The following MFSD2A variants were observed in gnomAD, a reference collection of about 807,000 sequenced individuals.
MFSD2A encodes the protein MFSD2 lysolipid transporter A, lysophospholipid, also known as sodium-dependent lysophosphatidylcholine symporter 1.
A neutral mutation model predicts 64.7 loss-of-function variants in MFSD2A; 27 were observed. The observed-to-expected ratio is 0.42, with a 90% confidence interval of 0.31 to 0.58. The LOEUF (loss-of-function observed/expected upper bound fraction) is 0.58. MFSD2A is among the 20% of genes least tolerant of loss of function. The pLI, the probability that MFSD2A is intolerant of heterozygous loss-of-function variation, is 0.18. For missense variants in MFSD2A, 474 were observed against 679.5 expected (o/e 0.70, Z 3.36); for synonymous variants, 258 against 273.4 (o/e 0.94, Z 0.55).
In MFSD2A at chr1:39,966,803, G is replaced by T; in HGVS notation, c.806-8G>T. On this transcript the variant is annotated splice_region_variant and splice_polypyrimidine_tract_variant and intron_variant, in intron 7 of 13. Coordinates refer to ENST00000372811, the MANE Select transcript of MFSD2A (RefSeq NM_032793.5). ...TGCTCCTTCCTCACTGTCCGCTCTG[G>T]CCCCCAGAACCCTATGAAGCCCAGC... 6.2e-7 allele frequency: 1 copy of T among 1,614,004 alleles called. No homozygotes were observed. Among genetic ancestry groups the T allele is most frequent in the Non-Finnish European group, 8.5e-7 (1 of 1,179,990 alleles).
In MFSD2A at chr1:39,955,206, C is replaced by T; in HGVS notation, c.-87C>T. On this transcript the variant is annotated 5_prime_UTR_variant, in exon 1 of 14. Coordinates refer to ENST00000372811, the MANE Select transcript of MFSD2A (RefSeq NM_032793.5). This position sits in a 1 kb window ranked among gnomAD's most constrained non-coding sequence, Gnocchi z 5.9. ...CGCGCGGCGGCCGTGGCTAAGGCTGCTACGAAGCGAGCTTGGGAGGAGCAG... is the reference window on the plus strand; with the variant it reads ...CGCGCGGCGGCCGTGGCTAAGGCTGTTACGAAGCGAGCTTGGGAGGAGCAG... 8.5e-7 allele frequency: 1 copy of T among 1,174,500 alleles called. No homozygotes were observed. The highest frequency in any genetic ancestry group is 1.1e-6 in the Non-Finnish European group (1 of 912,208). 72.8% of individuals were successfully genotyped at this position (1,174,500 alleles called of 1,614,324 possible).
chr1:39,958,861 C>T lies in MFSD2A; in HGVS notation c.353+36C>T, dbSNP rs1266075215. Reference sequence around the variant, plus strand: ...TATGCCCCTTCGAGGTGGCACAAGGCAGGACTTCCAGCATATCTGCTCCTT... The same window carrying T: ...TATGCCCCTTCGAGGTGGCACAAGGTAGGACTTCCAGCATATCTGCTCCTT... On this transcript the variant is annotated intron_variant, in intron 3 of 13. Coordinates refer to ENST00000372811, the MANE Select transcript of MFSD2A (RefSeq NM_032793.5). This position sits in a 1 kb window ranked among gnomAD's most constrained non-coding sequence, Gnocchi z 4.7. The T allele has an allele frequency of 1.9e-6, 3 of 1,549,684 alleles. No homozygotes were observed. The highest frequency in any genetic ancestry group is 1.7e-6 in the Non-Finnish European group (2 of 1,147,170).
intron 6 of MFSD2A, 71 bp downstream of exon 6, chr1:39,966,085 A>G: frequency 2.6e-6 from 4 of 1,538,808 alleles, no homozygotes; most frequent in Non-Finnish European, 3.6e-6. Flanking sequence ...CATCCTAAAG[A>G]TAGTAACAGC....
intron 9 of MFSD2A, 189 bp downstream of exon 9, chr1:39,967,358 T>C (rs1645186277): frequency 3.1e-6 from 2 of 641,832 alleles, no homozygotes; most frequent in Non-Finnish European, 5.4e-6. Context: ...TGAGGTTAGA[T>C]GTTTGAGTAG....
rs750894563 is a variant in MFSD2A at position 39,965,547 on chromosome 1, A to G, written c.554A>G (p.Tyr185Cys). 1.2e-6 allele frequency: 2 copies of G among 1,613,868 alleles called. No homozygotes were observed. The highest frequency in any genetic ancestry group is 2.2e-5 in the South Asian group (2 of 91,068). ...ACTGAGCGGGATTCTGCCACCGCCTATCGTGAGTCTCCCCAGCCCACCTGA... is the reference window on the plus strand; with the variant it reads ...ACTGAGCGGGATTCTGCCACCGCCTGTCGTGAGTCTCCCCAGCCCACCTGA... ...EQTERDSATA[Y>C]RMTVEVLGTV... Residue 185 changes from tyrosine (Y) to cysteine (C), a missense_variant and splice_region_variant, in exon 5 of 14, where the codon TAT becomes TGT. Transcript: ENST00000372811. This position sits in a 1 kb window ranked among gnomAD's most constrained non-coding sequence, Gnocchi z 5.5.
intron 3 of MFSD2A, among the ~76,000 whole-genome samples, chr1:39,961,211 T>A: frequency 6.6e-6 from 1 of 151,624 alleles, no homozygotes; most frequent in East Asian, 1.9e-4. Flanking sequence ...ACTGGGTCTG[T>A]CAGGGTTTGT....
chr1:39,965,950 AT>A lies in MFSD2A; in HGVS notation c.651del (p.Asn217LysfsTer5), dbSNP rs1416382043. ...GACACGCCTTGTTTCCAGGACCTCA[AT>A]AGCTCTACAGTAGCTTCACAAAGTG... ...QADTPCFQDLNSSTVASQSAN... is the reference protein window; with the variant it reads ...QADTPCFQDLXSSTVASQSAN... On this transcript the variant is annotated frameshift_variant, in exon 6 of 14. Transcript: ENST00000372811. LOFTEE classifies it high-confidence loss of function. This position sits in a 1 kb window ranked among gnomAD's most constrained non-coding sequence, Gnocchi z 5.5. 1 of 1,614,080 alleles carries A rather than the reference AT, an allele frequency of 6.2e-7. No individual in the cohort carries two copies. The highest frequency in any genetic ancestry group is 2.2e-5 in the East Asian group (1 of 44,890).
chr1:39,958,925 G>A lies in MFSD2A; in HGVS notation c.353+100G>A. Reference sequence around the variant, plus strand: ...GTCTTGTCACAGGCAGAAGGGTGAGGAGAAGGAAGGAGTTAAAAGCCCAAG... The same window carrying A: ...GTCTTGTCACAGGCAGAAGGGTGAGAAGAAGGAAGGAGTTAAAAGCCCAAG... On this transcript the variant is annotated intron_variant, in intron 3 of 13. Coordinates refer to ENST00000372811, the MANE Select transcript of MFSD2A (RefSeq NM_032793.5). The surrounding 1 kb of genome is among the most constrained non-coding windows in gnomAD (Gnocchi z 4.7). The A allele has an allele frequency of 7.2e-7, 1 of 1,390,240 alleles. No homozygotes were observed. The highest frequency in any genetic ancestry group is 9.7e-7 in the Non-Finnish European group (1 of 1,027,764). 86.1% of individuals were successfully genotyped at this position (1,390,240 alleles called of 1,614,324 possible). A position where few individuals can be genotyped will look rare whatever the true frequency, so the allele number is the denominator to read the frequency against.
In MFSD2A at chr1:39,955,570, C is replaced by A. The variant is rs976994007; in HGVS notation, c.93+185C>A. 18 of 719,444 alleles carry A rather than the reference C, an allele frequency of 2.5e-5. No individual in the cohort carries two copies. In the African/African-American group the frequency reaches 3.0e-4, roughly 12 times the overall value. 44.6% of individuals were successfully genotyped at this position (719,444 alleles called of 1,614,324 possible). A position where few individuals can be genotyped will look rare whatever the true frequency, so the allele number is the denominator to read the frequency against. Reference sequence around the variant, plus strand: ...GGTGACGGAGAAAAGCTGTGGGCGCCCTCGCCCCCCTTTGCTCACCCGCAC... The same window carrying A: ...GGTGACGGAGAAAAGCTGTGGGCGCACTCGCCCCCCTTTGCTCACCCGCAC... On this transcript the variant is annotated intron_variant, in intron 1 of 13. Coordinates refer to ENST00000372811, the MANE Select transcript of MFSD2A (RefSeq NM_032793.5). This position sits in a 1 kb window ranked among gnomAD's most constrained non-coding sequence, Gnocchi z 5.9.
At chr1:39,966,253 A>T (rs1645158528) in intron 6 of MFSD2A, among the ~76,000 whole-genome samples, 1 of 152,174 alleles carries the variant, frequency 6.6e-6, no homozygotes, top group South Asian at 2.1e-4. Flanking sequence ...GAAGATTTGA[A>T]TTCTGGGCTG....
In MFSD2A at chr1:39,960,206, C is replaced by T. The variant is rs890548406; in HGVS notation, c.353+1381C>T. ...GGCTGTCAGGCGGGGGCTCTGGTTC[C>T]CTCCAGGACATCCTGCTTCAGGGTG... On this transcript the variant is annotated intron_variant, in intron 3 of 13. Transcript: ENST00000372811. The surrounding 1 kb of genome is among the most constrained non-coding windows in gnomAD (Gnocchi z 4.8). Among the ~76,000 whole-genome samples, 1 of 152,202 alleles carries T rather than the reference C, an allele frequency of 6.6e-6. No individual in the cohort carries two copies. Among genetic ancestry groups the T allele is most frequent in the African/African-American group, 2.4e-5 (1 of 41,458 alleles).
In MFSD2A at chr1:39,968,837, C is replaced by T. The variant is rs1645221806; in HGVS notation, c.1529+92C>T. On this transcript the variant is annotated intron_variant, in intron 13 of 13. Transcript: ENST00000372811. This position sits in a 1 kb window ranked among gnomAD's most constrained non-coding sequence, Gnocchi z 4.4. ...CTCCTGTGGCCAAGTCCAGACTCAC[C>T]CCCCACACATCTTCTCTGGACAGCT... The T allele has an allele frequency of 1.4e-5, 19 of 1,365,526 alleles. No individual in the cohort carries two copies. In the Admixed American group the frequency reaches 3.5e-4, roughly 25 times the overall value. 84.6% of individuals were successfully genotyped at this position (1,365,526 alleles called of 1,614,324 possible). A position where few individuals can be genotyped will look rare whatever the true frequency, so the allele number is the denominator to read the frequency against.
Position 39,968,515 on chromosome 1 carries a change from G to C in MFSD2A, c.1352+38G>C. 6.2e-7 allele frequency: 1 copy of C among 1,613,940 alleles called. No individual in the cohort carries two copies. Among genetic ancestry groups the C allele is most frequent in the East Asian group, 2.2e-5 (1 of 44,886 alleles). On this transcript the variant is annotated intron_variant, in intron 12 of 13. Transcript: ENST00000372811. This position sits in a 1 kb window ranked among gnomAD's most constrained non-coding sequence, Gnocchi z 4.4. The stretch of plus-strand genomic sequence containing the variant: ...GGGACCTGGGGCAGGACTGGGCAGG[G>C]CCAGGCCCCAGGTGCCCCATCTTCA...
chr1:39,966,774 T>A (rs1190073352), intron 7 of MFSD2A, 37 bp from the exon 8 acceptor site: 1 of 1,613,462 alleles, frequency 6.2e-7, no homozygotes, highest in East Asian at 2.2e-5. Flanking sequence ...TTGGGAGGGG[T>A]CTCTGCTCCT....
At chr1:39,966,319 G>A (rs986192423) in intron 6 of MFSD2A, among the ~76,000 whole-genome samples, 8 of 152,060 alleles carry the variant, frequency 5.3e-5, no homozygotes, top group Non-Finnish European at 8.8e-5. Context: ...TTGTAGAGAC[G>A]GGGTCTTGCC....
intron 11 of MFSD2A, 71 bp downstream of exon 11, chr1:39,967,987 A>G: frequency 1.0e-6 from 1 of 966,192 alleles, no homozygotes; most frequent in Admixed American, 2.2e-5. Context: ...CTCCTTAGGG[A>G]GAGTTCTATG....
At chr1:39,962,619 T>G in intron 3 of MFSD2A, 1 of 819,934 alleles carries the variant, frequency 1.2e-6, no homozygotes, top group Non-Finnish European at 2.0e-6. Flanking sequence ...CTCTGGTGCC[T>G]TCCGCGGAGG....
chr1:39,956,413 G>C (rs556220680), intron 1 of MFSD2A, among the ~76,000 whole-genome samples: 30 of 152,220 alleles, frequency 2.0e-4, no homozygotes, highest in African/African-American at 7.2e-4. Flanking sequence ...CTGAGGCAGG[G>C]TGGGAGCCTG....
At chr1:39,969,228 G>C (rs891305853) in intron 13 of MFSD2A, among the ~76,000 whole-genome samples, 1 of 152,186 alleles carries the variant, frequency 6.6e-6, no homozygotes, top group Non-Finnish European at 1.5e-5. Context: ...GCCTGACCCT[G>C]CATCTGGGGA....
Sources: allele counts gnomAD v4.1 joint callset (sites outside exome capture counted in the v4.1 genomes callset), GRCh38; gene constraint gnomAD v4.1.1; non-coding constraint Gnocchi (gnomAD v3.1); transcripts MANE v1.5; gene names NCBI Gene and HGNC (gene_info 2026-07-23, HGNC 2026-07-21).